The following PIEZO2 variants were observed in gnomAD, a reference collection of about 807,000 sequenced individuals.
The protein encoded by PIEZO2 is piezo type mechanosensitive ion channel component 2, also known as piezo-type mechanosensitive ion channel component 2.
Under a neutral mutation model 337.3 loss-of-function variants are expected in PIEZO2, and 172 were observed. The observed-to-expected ratio is 0.51, with a 90% CI of 0.45 to 0.58. The LOEUF (loss-of-function observed/expected upper bound fraction) is 0.58. Ranked by LOEUF, PIEZO2 falls within the 20% of genes least tolerant of loss-of-function variation. The pLI, the probability that PIEZO2 is intolerant of heterozygous loss-of-function variation, is 0.00. For synonymous variants in PIEZO2, 1,251 were observed against 1,228.5 expected (o/e 1.02, Z -0.38); for missense variants, 3,028 against 3,391.3 (o/e 0.89, Z 2.66).
chr18:10,737,469 A>G (rs775246263), intron 33 of PIEZO2, among the ~76,000 whole-genome samples: 2 of 152,142 alleles, frequency 1.3e-5, no homozygotes, highest in Non-Finnish European at 2.9e-5. Context: ...GACAGGGTCC[A>G]TAGGGTTTAC....
chr18:11,010,493 A>G (rs1424837441), intron 2 of PIEZO2, among the ~76,000 whole-genome samples: 1 of 152,210 alleles, frequency 6.6e-6, no homozygotes, highest in Non-Finnish European at 1.5e-5. Context: ...CCACAACACC[A>G]CTAGGAACAG....
chr18:11,089,058 G>A (rs1021787710), intron 1 of PIEZO2, among the ~76,000 whole-genome samples: 24 of 152,138 alleles, frequency 1.6e-4, no homozygotes, highest in African/African-American at 5.8e-4. Flanking sequence ...GGGTTCGTAT[G>A]TGCATGTGTG....
chr18:10,846,985 C>T lies in PIEZO2; in HGVS notation c.917+8368G>A, dbSNP rs967806397. 5.3e-5 allele frequency among the ~76,000 whole-genome samples: 8 copies of T among 152,190 alleles called. No homozygotes were observed. The highest frequency in any genetic ancestry group is 9.6e-5 in the African/African-American group (4 of 41,454). On this transcript the variant is annotated intron_variant, in intron 7 of 55. Transcript: ENST00000674853. This position sits in a 1 kb window ranked among gnomAD's most constrained non-coding sequence, Gnocchi z 4.1. ...TTGATATGCTCTCTCCTGCTTACTA[C>T]ACCCACCCACTCTGGGCTGGGCACT...
chr18:10,717,431 C>T (rs1400186265), intron 37 of PIEZO2, among the ~76,000 whole-genome samples: 4 of 143,632 alleles, frequency 2.8e-5, no homozygotes, highest in African/African-American at 9.0e-5. Context: ...TGTGTGGGGA[C>T]ATAAAGAGCC....
At chr18:10,916,540 C>T (rs1211271004) in intron 3 of PIEZO2, among the ~76,000 whole-genome samples, 1 of 152,198 alleles carries the variant, frequency 6.6e-6, no homozygotes. Flanking sequence ...CTAAGCCCCT[C>T]ACTGCCAGGG....
intron 43 of PIEZO2, chr18:10,701,783 G>T: frequency 4.6e-6 from 2 of 438,930 alleles, no homozygotes; most frequent in Non-Finnish European, 3.9e-6. Flanking sequence ...AGCACCACAA[G>T]TGTTGGAAAA....
chr18:10,878,938 C>A lies in PIEZO2; in HGVS notation c.330-7523G>T, dbSNP rs540380280. 6.6e-6 allele frequency among the ~76,000 whole-genome samples: 1 copy of A among 152,296 alleles called. No homozygotes were observed. The highest frequency in any genetic ancestry group is 2.1e-4 in the South Asian group (1 of 4,822). On this transcript the variant is annotated intron_variant, in intron 4 of 55. Transcript: ENST00000674853. The surrounding 1 kb of genome is among the most constrained non-coding windows in gnomAD (Gnocchi z 4.3). ...CAATGAGTGTCAGGTGTGGTTAGGACTTTCAGGTGCAGAGGTGAGACTTTA... is the reference window on the plus strand; with the variant it reads ...CAATGAGTGTCAGGTGTGGTTAGGAATTTCAGGTGCAGAGGTGAGACTTTA...
intron 2 of PIEZO2, among the ~76,000 whole-genome samples, chr18:10,999,323 C>T (rs1310014190): frequency 6.6e-6 from 1 of 152,068 alleles, no homozygotes; most frequent in Non-Finnish European, 1.5e-5. Context: ...ATTTACAGCT[C>T]AATTAGAAAA....
chr18:10,977,568 A>C (rs1349402329), intron 3 of PIEZO2, among the ~76,000 whole-genome samples: 1 of 152,102 alleles, frequency 6.6e-6, no homozygotes, highest in African/African-American at 2.4e-5. Flanking sequence ...ATTAAGTCCC[A>C]AAAGATGTGA....
Position 10,724,482 on chromosome 18 carries a change from G to A in PIEZO2, c.5030-6223C>T, listed in dbSNP as rs2036445249. The stretch of plus-strand genomic sequence containing the variant: ...GTAGCAGAGCCTGGGCCCACCAAAG[G>A]CAATGCGGAGTACAGGGCCTGCTGG... On this transcript the variant is annotated intron_variant, in intron 36 of 55. Coordinates refer to ENST00000674853, the MANE Select transcript of PIEZO2 (RefSeq NM_001378183.1). This position sits in a 1 kb window ranked among gnomAD's most constrained non-coding sequence, Gnocchi z 5.8. 1 of 402,204 alleles carries A rather than the reference G, an allele frequency of 2.5e-6. No individual in the cohort carries two copies. The highest frequency in any genetic ancestry group is 4.4e-6 in the Non-Finnish European group (1 of 228,786). The allele number at this position is 402,204 out of a possible 1,614,324, so 24.9% of individuals were successfully genotyped here. A position where few individuals can be genotyped will look rare whatever the true frequency, so the allele number is the denominator to read the frequency against.
Position 10,731,177 on chromosome 18 carries a change from T to TTA in PIEZO2, c.5029+228_5029+229dup, listed in dbSNP as rs60508630. Among the ~76,000 whole-genome samples, 2,476 of 34,136 alleles carry TTA rather than the reference T, an allele frequency of 0.073. 32 individuals carry two copies. Among genetic ancestry groups the TTA allele is most frequent in the South Asian group, 0.091 (99 of 1,088 alleles). The allele number at this position is 34,136 out of a possible 152,430, so 22.4% of individuals were successfully genotyped here. A position where few individuals can be genotyped will look rare whatever the true frequency, so the allele number is the denominator to read the frequency against. On this transcript the variant is annotated intron_variant, in intron 36 of 55. Transcript: ENST00000674853. ...CTCTCCTTTTTTCCTACTTAAAAGA[T>TTA]TATATATATATATATATATATATAT...
In PIEZO2 at chr18:10,677,883, G is replaced by GAA; in HGVS notation, c.7953-10_7953-9dup. The stretch of plus-strand genomic sequence containing the variant: ...GCACCCAGACTTAAGTTTCTGTGAA[G>GAA]AAAAAAAAAAAGCTTAATGTCAGTG... On this transcript the variant is annotated splice_polypyrimidine_tract_variant and intron_variant, in intron 52 of 55. Coordinates refer to ENST00000674853, the MANE Select transcript of PIEZO2 (RefSeq NM_001378183.1). This position sits in a 1 kb window ranked among gnomAD's most constrained non-coding sequence, Gnocchi z 4.1. 6.4e-6 allele frequency: 9 copies of GAA among 1,396,656 alleles called. No individual in the cohort carries two copies. The highest frequency in any genetic ancestry group is 2.7e-5 in the South Asian group (2 of 74,490). 86.5% of individuals were successfully genotyped at this position (1,396,656 alleles called of 1,614,324 possible). A position where few individuals can be genotyped will look rare whatever the true frequency, so the allele number is the denominator to read the frequency against.
rs1164386175 is a variant in PIEZO2, at chr18:10,689,677, T to C, written c.7475A>G (p.Lys2492Arg). Residue 2492 changes from lysine (K) to arginine (R), a missense_variant, in exon 49 of 56, where the codon AAG becomes AGG. This residue lies in a region of PIEZO2 where 179 missense variants were observed against 281.8 expected (regional missense o/e 0.64). Transcript: ENST00000674853. ...EDIYAHIFIL[K>R]CWRESEKRYP... is the part of the protein sequence containing the mutation. ...TACCTTCTCCGACTCCCGCCAACAC[T>C]TCAGGATGAATATGTGAGCATAGAT... is the stretch of plus-strand genomic sequence containing the variant. 1.9e-6 allele frequency: 3 copies of C among 1,614,174 alleles called. No homozygotes were observed. The South Asian group carries it at 3.3e-5, about 18-fold the overall frequency.
chr18:10,944,879 T>A (rs2032936151), intron 3 of PIEZO2, among the ~76,000 whole-genome samples: 1 of 151,980 alleles, frequency 6.6e-6, no homozygotes, highest in African/African-American at 2.4e-5. Context: ...CAGTGGTTCC[T>A]AAGGGGGGAG....
rs1230686028 is a variant in PIEZO2, at chr18:11,102,546, G to GGAAGCATCGGGGGT, written c.65-36338_65-36325dup. Among the ~76,000 whole-genome samples the GGAAGCATCGGGGGT allele has an allele frequency of 6.6e-6, 1 of 152,200 alleles. No homozygotes were observed. Among genetic ancestry groups the GGAAGCATCGGGGGT allele is most frequent in the Non-Finnish European group, 1.5e-5 (1 of 68,042 alleles). On this transcript the variant is annotated intron_variant, in intron 1 of 55. Transcript: ENST00000674853. This position sits in a 1 kb window ranked among gnomAD's most constrained non-coding sequence, Gnocchi z 5.7. Reference sequence around the variant, plus strand: ...AGCAGAGGATGGGGCTATGGGGAGAGGAAGCATCGGGGGTGAAGCATCATG... The same window carrying GGAAGCATCGGGGGT: ...AGCAGAGGATGGGGCTATGGGGAGAGGAAGCATCGGGGGTGAAGCATCGGGGGTGAAGCATCATG...
intron 1 of PIEZO2, among the ~76,000 whole-genome samples, chr18:11,123,459 A>C (rs74906506): frequency 0.034 from 5,123 of 152,296 alleles, 115 homozygotes; most frequent in East Asian, 0.077. Context: ...AGATCACTCT[A>C]TATTCATGTG....
chr18:10,814,635 C>A (rs371972955), intron 7 of PIEZO2, among the ~76,000 whole-genome samples: 1 of 152,134 alleles, frequency 6.6e-6, no homozygotes, highest in Non-Finnish European at 1.5e-5. Flanking sequence ...AAGGTGGAAG[C>A]CTTGTCAGCC....
At chr18:10,912,362 A>G (rs1389734544) in intron 3 of PIEZO2, among the ~76,000 whole-genome samples, 1 of 152,196 alleles carries the variant, frequency 6.6e-6, no homozygotes, top group Non-Finnish European at 1.5e-5. Flanking sequence ...TGCTTAGTCA[A>G]TGGTAAACAT....
At position 10,949,064 on chromosome 18, in the gene PIEZO2, T is replaced by C. The variant is rs193000194; in HGVS notation, c.286+30471A>G. 3.2e-4 allele frequency among the ~76,000 whole-genome samples: 48 copies of C among 152,330 alleles called. 1 individual carries two copies. The Middle Eastern group carries it at 0.017, about 54-fold the overall frequency. ...AAAAGAAGGCTGAATATTAGAACCCTGAGTATTCATCATACAGAAATGGTC... is the reference window on the plus strand; with the variant it reads ...AAAAGAAGGCTGAATATTAGAACCCCGAGTATTCATCATACAGAAATGGTC... On this transcript the variant is annotated intron_variant, in intron 3 of 55. Coordinates refer to ENST00000674853, the MANE Select transcript of PIEZO2 (RefSeq NM_001378183.1).
Sources: gnomAD v4.1 joint callset for allele counts (sites outside exome capture counted in the v4.1 genomes callset) on GRCh38, gnomAD v4.1.1 for gene constraint, gnomAD v4.1.1 regional missense constraint, Gnocchi (gnomAD v3.1) non-coding constraint, MANE v1.5 for transcripts, NCBI Gene and HGNC (gene_info 2026-07-23, HGNC 2026-07-21) for gene names.